SUMO3: variants seen among roughly 807,000 people sequenced by gnomAD.
The protein encoded by SUMO3 is small ubiquitin like modifier 3.
SUMO3 carries 2 observed loss-of-function variants against 11.1 expected under a neutral mutation model. That is an observed-to-expected ratio of 0.18 (90% CI 0.07 to 0.57). The LOEUF (loss-of-function observed/expected upper bound fraction) is 0.57. SUMO3 is among the 20% of genes least tolerant of loss of function. SUMO3 has a pLI of 0.92. For synonymous variants in SUMO3, 56 were observed against 53.5 expected, an observed-to-expected ratio of 1.05 and a Z score of -0.20; for missense variants, 70 against 132.8, an observed-to-expected ratio of 0.53 and a Z score of 2.32.
intron 3 of SUMO3, chr21:44,808,501 C>T (rs532679665): frequency 1.9e-4 from 273 of 1,441,360 alleles, no homozygotes; most frequent in Non-Finnish European, 2.4e-4. Context: ...GGCAACAAAG[C>T]GAGACTCCGT....
At chr21:44,817,789 A>C (rs1429047389) in intron 1 of SUMO3, among the ~76,000 whole-genome samples, 159 bp downstream of exon 1, 66 of 18,172 alleles carry the variant, frequency 3.6e-3, no homozygotes, top group African/African-American at 0.012. Context: ...GAGGGGGCGC[A>C]CCTTGGGCGG....
intron 1 of SUMO3, among the ~76,000 whole-genome samples, chr21:44,817,178 G>A (rs1288133267): frequency 1.4e-5 from 2 of 147,952 alleles, no homozygotes; most frequent in African/African-American, 5.0e-5. Context: ...GTGATGGGGA[G>A]GCGTGGGCGT....
intron 2 of SUMO3, chr21:44,813,762 C>T (rs1172445866): frequency 3.2e-5 from 46 of 1,455,908 alleles, no homozygotes; most frequent in Non-Finnish European, 3.6e-6. Context: ...TTCTCCGAGC[C>T]TCTAGGTCCC....
chr21:44,810,081 C>G lies in SUMO3; in HGVS notation c.151-963G>C, dbSNP rs1013977241. ...GGGCAGCAGGAAGGAGAGCACGCAG[C>G]CTTTCTGCGTCCTGAGGGAATGGAG... On this transcript the variant is annotated intron_variant, in intron 2 of 3. Transcript: ENST00000332859. The surrounding 1 kb of genome is among the most constrained non-coding windows in gnomAD (Gnocchi z 4.1). Among the ~76,000 whole-genome samples the G allele has an allele frequency of 2.0e-5, 3 of 152,174 alleles. No individual in the cohort carries two copies. The highest frequency in any genetic ancestry group is 4.4e-5 in the Non-Finnish European group (3 of 68,026).
At chr21:44,814,161 G>C in intron 1 of SUMO3, 57 bp from the exon 2 acceptor site, 5 of 1,589,444 alleles carry the variant, frequency 3.1e-6, no homozygotes, top group South Asian at 1.1e-5. Flanking sequence ...ACCGCGACTT[G>C]AATGGGCAAG....
rs1369686739 is a variant in SUMO3, at chr21:44,807,991, T to C, written c.223-951A>G. Reference sequence around the variant, plus strand: ...ACTTGTTGCAAAGATGTTTTCAATATTTATTAAATACTGAATAGTAAATAT... The same window carrying C: ...ACTTGTTGCAAAGATGTTTTCAATACTTATTAAATACTGAATAGTAAATAT... On this transcript the variant is annotated intron_variant, in intron 3 of 3. Transcript: ENST00000332859. The surrounding 1 kb of genome is among the most constrained non-coding windows in gnomAD (Gnocchi z 4.3). Among the ~76,000 whole-genome samples the C allele has an allele frequency of 2.0e-5, 3 of 152,250 alleles. No homozygotes were observed. The highest frequency in any genetic ancestry group is 7.2e-5 in the African/African-American group (3 of 41,464).
At chr21:44,814,522 A>G (rs9637189) in intron 1 of SUMO3, among the ~76,000 whole-genome samples, 18,131 of 152,302 alleles carry the variant, frequency 0.12, 2,050 homozygotes, top group East Asian at 0.58. Flanking sequence ...GCAACAGAGC[A>G]AGACCCCATC....
chr21:44,810,000 T>C (rs1485587051), intron 2 of SUMO3, among the ~76,000 whole-genome samples: 1 of 152,082 alleles, frequency 6.6e-6, no homozygotes, highest in African/African-American at 2.4e-5. Flanking sequence ...GAGGGACAGA[T>C]AAGAAGGCTG....
rs150782487 is a variant in SUMO3 at position 44,814,021 on chromosome 21, C to T, written c.105G>A (p.Arg35=). 40 of 1,613,442 alleles carry T rather than the reference C, an allele frequency of 2.5e-5. 1 individual carries two copies. The Admixed American group carries it at 3.8e-4, about 15-fold the overall frequency. Residue 35 remains arginine, a synonymous_variant, in exon 2 of 4, where the codon AGG becomes AGA. Transcript: ENST00000332859. ...DGSVVQFKIK[R]HTPLSKLMKA... ...TCATCAGCTTGCTCAGCGGCGTGTG[C>T]CTCTTGATCTTGAACTGCACCACGG...
In SUMO3 at chr21:44,810,081, C is replaced by A. The variant is rs1013977241; in HGVS notation, c.151-963G>T. Among the ~76,000 whole-genome samples the A allele has an allele frequency of 2.6e-5, 4 of 152,174 alleles. No homozygotes were observed. Among genetic ancestry groups the A allele is most frequent in the African/African-American group, 7.2e-5 (3 of 41,446 alleles). On this transcript the variant is annotated intron_variant, in intron 2 of 3. Transcript: ENST00000332859. This position sits in a 1 kb window ranked among gnomAD's most constrained non-coding sequence, Gnocchi z 4.1. Reference sequence around the variant, plus strand: ...GGGCAGCAGGAAGGAGAGCACGCAGCCTTTCTGCGTCCTGAGGGAATGGAG... The same window carrying A: ...GGGCAGCAGGAAGGAGAGCACGCAGACTTTCTGCGTCCTGAGGGAATGGAG...
At chr21:44,817,888 C>G (rs1226556861) in intron 1 of SUMO3, 60 bp downstream of exon 1, 1 of 102 alleles carries the variant, frequency 9.8e-3, no homozygotes, top group Non-Finnish European at 0.019. Flanking sequence ...GGGGGCGGAG[C>G]CGGGCTGGGG....
intron 2 of SUMO3, chr21:44,813,737 A>G (rs1193492368): frequency 7.3e-6 from 10 of 1,371,738 alleles, no homozygotes; most frequent in Non-Finnish European, 9.7e-6. Context: ...TGTCAGGAAG[A>G]AAAACCCACC....
intron 1 of SUMO3, among the ~76,000 whole-genome samples, chr21:44,815,732 G>A (rs1213127065): frequency 6.6e-6 from 1 of 151,866 alleles, no homozygotes; most frequent in Non-Finnish European, 1.5e-5. Flanking sequence ...AGCCCCGGGG[G>A]GAATGGCTGC....
chr21:44,809,009 G>A (rs756313811), intron 3 of SUMO3, 38 bp downstream of exon 3: 15 of 1,587,008 alleles, frequency 9.5e-6, no homozygotes, highest in Admixed American at 6.7e-5. Flanking sequence ...CGCACAAATC[G>A]GAAGTCGCCC....
chr21:44,809,737 T>TGCCAGGGGAGGGGAAATGAGCC (rs2083199638), intron 2 of SUMO3, among the ~76,000 whole-genome samples: 1 of 152,176 alleles, frequency 6.6e-6, no homozygotes, highest in Non-Finnish European at 1.5e-5. Flanking sequence ...ATTGGTGATG[T>TGCCAGGGGAGGGGAAATGAGCC]GCCAGGGGAG....
chr21:44,818,040 C>A lies in SUMO3; in HGVS notation c.-72G>T. On this transcript the variant is annotated 5_prime_UTR_variant, in exon 1 of 4. Transcript: ENST00000332859. ...AGCGGGCGAGTCACGCTCTCGGCCC[C>A]GCCGCTCTCCCGCCGCAACTGTGCG... 8.9e-7 allele frequency: 1 copy of A among 1,128,342 alleles called. No homozygotes were observed. Among genetic ancestry groups the A allele is most frequent in the South Asian group, 4.4e-5 (1 of 22,870 alleles). 69.9% of individuals were successfully genotyped at this position (1,128,342 alleles called of 1,614,324 possible). A position where few individuals can be genotyped will look rare whatever the true frequency, so the allele number is the denominator to read the frequency against.
chr21:44,817,491 C>T (rs1368261032), intron 1 of SUMO3, among the ~76,000 whole-genome samples: 1 of 151,902 alleles, frequency 6.6e-6, no homozygotes, highest in African/African-American at 2.4e-5. Context: ...GAGCCGACTC[C>T]GTGCACTCGA....
chr21:44,814,321 G>A (rs1161246491), intron 1 of SUMO3, among the ~76,000 whole-genome samples: 2 of 152,154 alleles, frequency 1.3e-5, no homozygotes, highest in African/African-American at 2.4e-5. Flanking sequence ...GTAAAACAAT[G>A]CAAGCCTAGG....
intron 1 of SUMO3, among the ~76,000 whole-genome samples, chr21:44,817,665 C>G (rs1439529968): frequency 6.6e-6 from 1 of 150,548 alleles, no homozygotes; most frequent in Non-Finnish European, 1.5e-5. Context: ...ACCGGGCGCT[C>G]AAGGAGGCGC....
Sources: gnomAD v4.1 joint callset for allele counts (sites outside exome capture counted in the v4.1 genomes callset) on GRCh38, gnomAD v4.1.1 for gene constraint, Gnocchi (gnomAD v3.1) non-coding constraint, MANE v1.5 for transcripts, NCBI Gene and HGNC (gene_info 2026-07-23, HGNC 2026-07-21) for gene names.